The following ANKH variants were observed in gnomAD, a reference collection of about 807,000 sequenced individuals.
ANKH encodes mineralization regulator ANKH.
ANKH carries 15 observed loss-of-function variants against 49.0 expected under a neutral mutation model. The observed-to-expected ratio is 0.31, with a 90% confidence interval of 0.20 to 0.47. The LOEUF is 0.47. Among genes scored for constraint, ANKH ranks in the 20% least tolerant of loss-of-function variants. The pLI is 1.00. For missense variants in ANKH, 429 were observed against 652.0 expected, an observed-to-expected ratio of 0.66 and a Z score of 3.72; for synonymous variants, 273 against 260.0, an observed-to-expected ratio of 1.05 and a Z score of -0.48.
intron 1 of ANKH, among the ~76,000 whole-genome samples, chr5:14,800,954 G>A (rs1445113568): frequency 2.6e-5 from 4 of 151,986 alleles, no homozygotes; most frequent in Non-Finnish European, 5.9e-5. Context: ...TCAAACTCCT[G>A]GGCTCAAGCA....
intron 6 of ANKH, 115 bp downstream of exon 6, chr5:14,749,057 G>A (rs1187007237): frequency 4.2e-6 from 6 of 1,439,516 alleles, no homozygotes; most frequent in Non-Finnish European, 5.8e-6. Context: ...TGACTGTCAT[G>A]TAATTTAATA....
intron 9 of ANKH, among the ~76,000 whole-genome samples, chr5:14,715,847 T>TA (rs1737431823): frequency 1.3e-5 from 2 of 152,238 alleles, no homozygotes; most frequent in Admixed American, 6.5e-5. Context: ...ATTGGCTTGG[T>TA]ATAATAACTT....
At chr5:14,789,455 T>TAAA (rs35825962) in intron 1 of ANKH, among the ~76,000 whole-genome samples, 1,675 of 128,150 alleles carry the variant, frequency 0.013, 41 homozygotes, top group African/African-American at 0.046. Flanking sequence ...ATGGTGGTGA[T>TAAA]AAAAAAAAAA....
intron 1 of ANKH, among the ~76,000 whole-genome samples, chr5:14,789,288 G>A (rs772744798): frequency 1.1e-4 from 17 of 152,068 alleles, no homozygotes; most frequent in African/African-American, 1.4e-4. Context: ...ATTTAAGAAC[G>A]TAAGAATGGT....
chr5:14,715,160 T>G (rs1200456589), intron 9 of ANKH, among the ~76,000 whole-genome samples: 1 of 152,066 alleles, frequency 6.6e-6, no homozygotes, highest in African/African-American at 2.4e-5. Flanking sequence ...AGACGGAGTT[T>G]CACTCTTATT....
At chr5:14,860,141 C>T (rs1009336013) in intron 1 of ANKH, among the ~76,000 whole-genome samples, 2 of 152,200 alleles carry the variant, frequency 1.3e-5, no homozygotes, top group African/African-American at 2.4e-5. Flanking sequence ...ACGCCAGGCT[C>T]CAGGCCAGGT....
At chr5:14,833,381 G>A (rs887320141) in intron 1 of ANKH, among the ~76,000 whole-genome samples, 2 of 152,292 alleles carry the variant, frequency 1.3e-5, no homozygotes, top group South Asian at 2.1e-4. Flanking sequence ...AAGGGTGTTC[G>A]CTATTCATGG....
At chr5:14,798,421 G>T in intron 1 of ANKH, 2 of 1,547,936 alleles carry the variant, frequency 1.3e-6, no homozygotes, top group Non-Finnish European at 1.8e-6. Flanking sequence ...CGAGCCGGGG[G>T]AATCCTGGGG....
chr5:14,818,625 C>A (rs1014388951), intron 1 of ANKH, among the ~76,000 whole-genome samples: 7 of 101,170 alleles, frequency 6.9e-5, no homozygotes, highest in Admixed American at 6.2e-4. Context: ...GCCTGGGTGA[C>A]AAGAGCAAAA....
At chr5:14,812,660 T>C (rs930363323) in intron 1 of ANKH, among the ~76,000 whole-genome samples, 2 of 152,184 alleles carry the variant, frequency 1.3e-5, no homozygotes, top group Admixed American at 6.5e-5. Flanking sequence ...ACCCCTGATA[T>C]CTGATCACCC....
intron 1 of ANKH, among the ~76,000 whole-genome samples, chr5:14,784,458 A>T (rs189904081): frequency 6.6e-6 from 1 of 152,356 alleles, no homozygotes; most frequent in African/African-American, 2.4e-5. Flanking sequence ...AAAGCTGGTG[A>T]GTGGCGGTGC....
At chr5:14,847,730 TAA>T (rs1318942262) in intron 1 of ANKH, among the ~76,000 whole-genome samples, 1 of 152,222 alleles carries the variant, frequency 6.6e-6, no homozygotes, top group Admixed American at 6.5e-5. Context: ...AATCTTAGGA[TAA>T]AGAGATTTTC....
Position 14,713,392 on chromosome 5 carries a change from C to T in ANKH, c.1265+152G>A. 1.7e-6 allele frequency: 2 copies of T among 1,173,298 alleles called. No homozygotes were observed. Among genetic ancestry groups the T allele is most frequent in the South Asian group, 2.7e-5 (2 of 74,720 alleles). 72.7% of individuals were successfully genotyped at this position (1,173,298 alleles called of 1,614,324 possible). ...CTAAAATGGATCCCAAGAGCCTCCA[C>T]CTGGTGCCTGGGCAGACACACAAAA... On this transcript the variant is annotated intron_variant, in intron 10 of 11. Coordinates refer to ENST00000284268, the MANE Select transcript of ANKH (RefSeq NM_054027.6). This position sits in a 1 kb window ranked among gnomAD's most constrained non-coding sequence, Gnocchi z 4.4.
At chr5:14,821,964 GT>G (rs1741209401) in intron 1 of ANKH, among the ~76,000 whole-genome samples, 1 of 152,164 alleles carries the variant, frequency 6.6e-6, no homozygotes, top group Non-Finnish European at 1.5e-5. Context: ...ACATCAGAAG[GT>G]TATATTTTCC....
chr5:14,734,513 T>C (rs1738106772), intron 8 of ANKH, among the ~76,000 whole-genome samples: 1 of 152,218 alleles, frequency 6.6e-6, no homozygotes, highest in South Asian at 2.1e-4. Flanking sequence ...ACTGAAACCT[T>C]ATAACACTAT....
intron 2 of ANKH, among the ~76,000 whole-genome samples, chr5:14,760,872 T>C (rs573812916): frequency 6.6e-6 from 1 of 152,340 alleles, no homozygotes; most frequent in South Asian, 2.1e-4. Context: ...TAAGCTGAAC[T>C]ATGTCCCTTC....
intron 2 of ANKH, among the ~76,000 whole-genome samples, chr5:14,763,743 T>A (rs1431597065): frequency 6.6e-6 from 1 of 152,220 alleles, no homozygotes; most frequent in African/African-American, 2.4e-5. Flanking sequence ...ATTCTCAGGA[T>A]CTAGCCCAGT....
rs1222571107 is a variant in ANKH, at chr5:14,709,358, C to CTATGCAACTTAAT, written c.*1826_*1838dup. ...TGCCTCTGAAACCACTGCAAAGCAGCTATGCAACTTAATTTTTCAGTACTC... is the reference window on the plus strand; with the variant it reads ...TGCCTCTGAAACCACTGCAAAGCAGCTATGCAACTTAATTATGCAACTTAATTTTTCAGTACTC... On this transcript the variant is annotated 3_prime_UTR_variant, in exon 12 of 12. Transcript: ENST00000284268. 6.6e-6 allele frequency: 1 copy of CTATGCAACTTAAT among 152,098 alleles called. No homozygotes were observed. The allele number at this position is 152,098 out of a possible 1,614,324, so 9.4% of individuals were successfully genotyped here.
intron 1 of ANKH, among the ~76,000 whole-genome samples, chr5:14,831,959 T>C (rs186935303): frequency 6.6e-6 from 1 of 152,328 alleles, no homozygotes; most frequent in African/African-American, 2.4e-5. Flanking sequence ...ACTTTGCTTT[T>C]ACCCTAAAAT....
Sources: gnomAD v4.1 joint callset for allele counts (sites outside exome capture counted in the v4.1 genomes callset) on GRCh38, gnomAD v4.1.1 for gene constraint, Gnocchi (gnomAD v3.1) non-coding constraint, MANE v1.5 for transcripts, NCBI Gene and HGNC (gene_info 2026-07-23, HGNC 2026-07-21) for gene names.